The following MAP3K15 variants were observed in gnomAD, a reference collection of about 807,000 sequenced individuals.
The protein encoded by MAP3K15 is mitogen-activated protein kinase kinase kinase 15, also known as MAPK/ERK kinase kinase 15.
A neutral mutation model predicts 99.5 loss-of-function variants in MAP3K15; 124 were observed. The observed-to-expected ratio is 1.25, with a 90% CI of 1.08 to 1.45. The LOEUF is 1.45. Ranked by LOEUF, MAP3K15 falls within the 40% of genes most tolerant of loss-of-function variation. The probability of loss-of-function intolerance (pLI) is 0.00; values close to 1 mark genes in which losing one functional copy is unlikely to be tolerated. For missense variants in MAP3K15, 1,242 were observed against 1,079.7 expected, an observed-to-expected ratio of 1.15 and a Z score of -2.11; for synonymous variants, 494 against 439.6, an observed-to-expected ratio of 1.12 and a Z score of -1.55.
rs756238897 is a variant in MAP3K15, at chrX:19,438,396, A to G, written c.996-6788T>C. 2.7e-5 allele frequency among the ~76,000 whole-genome samples: 3 copies of G among 112,313 alleles called. No individual in the cohort carries two copies. The South Asian group carries it at 1.1e-3, about 41-fold the overall frequency. On this transcript the variant is annotated intron_variant, in intron 6 of 28. Coordinates refer to ENST00000338883, the MANE Select transcript of MAP3K15 (RefSeq NM_001001671.4). ...GTGCTGAGACTGCAGGCATGAGCCA[A>G]CACATCTATTACTTATGTAAAAAAT... is the stretch of plus-strand genomic sequence containing the variant.
chrX:19,461,019 G>A (rs1362522380), intron 4 of MAP3K15, among the ~76,000 whole-genome samples: 23 of 107,522 alleles, frequency 2.1e-4, no homozygotes, highest in Non-Finnish European at 4.0e-4. Context: ...TCGCACTTTC[G>A]CCCAGGCTGG....
intron 1 of MAP3K15, among the ~76,000 whole-genome samples, chrX:19,511,320 GA>G (rs765686540): frequency 7.1e-5 from 8 of 112,035 alleles, no homozygotes; most frequent in Non-Finnish European, 1.3e-4. Flanking sequence ...ATAGACAAAG[GA>G]AATCTAATTA....
rs970025629 is a variant in MAP3K15, at chrX:19,476,511, G to T, written c.525+9971C>A. Among the ~76,000 whole-genome samples, 28 of 111,829 alleles carry T rather than the reference G, an allele frequency of 2.5e-4. 1 individual carries two copies. The highest frequency in any genetic ancestry group is 3.8e-4 in the Admixed American group (4 of 10,555). On this transcript the variant is annotated intron_variant, in intron 3 of 28. Transcript: ENST00000338883. The stretch of plus-strand genomic sequence containing the variant: ...TCCAAGTTGACACAACTCCAAAAAA[G>T]ATAAGCTTTAGGCTCAACAGATATA...
chrX:19,489,912 T>C (rs2064355787), intron 1 of MAP3K15, among the ~76,000 whole-genome samples: 1 of 110,476 alleles, frequency 9.1e-6, no homozygotes, highest in South Asian at 3.9e-4. Flanking sequence ...GGCAGGTGCC[T>C]GTAATCCCAG....
intron 2 of MAP3K15, among the ~76,000 whole-genome samples, chrX:19,487,222 A>C (rs1249173838): frequency 9.0e-6 from 1 of 110,741 alleles, no homozygotes; most frequent in East Asian, 2.8e-4. Flanking sequence ...TCCTGATAAC[A>C]AGTGCAAACT....
chrX:19,481,351 A>C (rs1433092568), intron 3 of MAP3K15, among the ~76,000 whole-genome samples: 4 of 109,387 alleles, frequency 3.7e-5, no homozygotes, highest in Admixed American at 9.8e-5. Context: ...GAAGTTGGAC[A>C]TCTACCTCAC....
rs137950552 is a variant in MAP3K15 at position 19,372,879 on chromosome X, G to C, written c.2934-52C>G. ...CTGTGCGTGCCGGGGCACTGTCCCT[G>C]GGAGTGTGTCATGTTAGGACGCCCT... On this transcript the variant is annotated intron_variant, in intron 21 of 28. Coordinates refer to ENST00000338883, the MANE Select transcript of MAP3K15 (RefSeq NM_001001671.4). 4,454 of 1,139,154 alleles carry C rather than the reference G, an allele frequency of 3.9e-3. 119 individuals are homozygous for C. In the African/African-American group the frequency reaches 0.07, roughly 18 times the overall value. The allele number at this position is 1,139,154 out of a possible 1,213,427, so 93.9% of individuals were successfully genotyped here. A position where few individuals can be genotyped will look rare whatever the true frequency, so the allele number is the denominator to read the frequency against.
chrX:19,414,917 T>C (rs1016640514), intron 10 of MAP3K15, among the ~76,000 whole-genome samples, 190 bp downstream of exon 10: 1 of 112,049 alleles, frequency 8.9e-6, no homozygotes, highest in African/African-American at 3.2e-5. Context: ...ATGACTACTA[T>C]AGAGGATATG....
intron 4 of MAP3K15, among the ~76,000 whole-genome samples, chrX:19,461,809 G>C (rs1409433945): frequency 1.8e-5 from 2 of 110,555 alleles, no homozygotes; most frequent in African/African-American, 6.6e-5. Context: ...TGGCCAACGT[G>C]GTGAAACCCC....
intron 19 of MAP3K15, among the ~76,000 whole-genome samples, chrX:19,375,065 C>T (rs754469086): frequency 2.7e-5 from 3 of 112,316 alleles, no homozygotes; most frequent in African/African-American, 9.7e-5. Flanking sequence ...CACCCTGCTC[C>T]CCCAAACCAC....
intron 6 of MAP3K15, among the ~76,000 whole-genome samples, chrX:19,440,329 C>G (rs1357050427): frequency 8.9e-6 from 1 of 112,140 alleles, no homozygotes; most frequent in East Asian, 2.8e-4. Context: ...TCTTTGTTTC[C>G]CGATTGGACC....
chrX:19,450,903 A>T (rs903186577), intron 6 of MAP3K15, among the ~76,000 whole-genome samples: 2 of 109,558 alleles, frequency 1.8e-5, no homozygotes, highest in Admixed American at 9.6e-5. Flanking sequence ...AAAAAAATAC[A>T]ACTGGCTTTT....
chrX:19,514,904 C>A lies in MAP3K15; in HGVS notation c.358G>T (p.Ala120Ser), dbSNP rs768115068. Residue 120 changes from alanine (A) to serine (S), a missense_variant, in exon 1 of 29, where the codon GCA (alanine) becomes TCA (serine). Ala to Ser is a moderately conservative substitution (Grantham distance 99). Coordinates refer to ENST00000338883, the MANE Select transcript of MAP3K15 (RefSeq NM_001001671.4). The stretch of plus-strand genomic sequence containing the variant: ...GTGGGGACGAAGCCGCTCTCACCTG[C>A]GTCGTAGAAGGCGTCGAGCACGGCC... ...ETAVLDAFYD[A>S]DVAVVDMSDV... 1.1e-4 allele frequency: 120 copies of A among 1,112,553 alleles called. No individual in the cohort carries two copies. The highest frequency in any genetic ancestry group is 1.4e-4 in the Non-Finnish European group (117 of 847,983). 91.7% of individuals were successfully genotyped at this position (1,112,553 alleles called of 1,213,427 possible).
chrX:19,406,277 G>A (rs1466886208), intron 13 of MAP3K15, among the ~76,000 whole-genome samples: 1 of 112,642 alleles, frequency 8.9e-6, no homozygotes, highest in Non-Finnish European at 1.9e-5. Flanking sequence ...GCACGTGAAT[G>A]TTCAGGGAAG....
chrX:19,452,832 A>G (rs1216969129), intron 6 of MAP3K15, among the ~76,000 whole-genome samples: 9 of 111,322 alleles, frequency 8.1e-5, no homozygotes, highest in African/African-American at 3.0e-4. Context: ...TTAAAACATT[A>G]TGAGGTTTTC....
chrX:19,507,012 C>G (rs1206294532), intron 1 of MAP3K15, among the ~76,000 whole-genome samples: 1 of 111,953 alleles, frequency 8.9e-6, no homozygotes, highest in African/African-American at 3.2e-5. Flanking sequence ...TATGCAAAGC[C>G]AGACACAACA....
chrX:19,489,957 A>AC (rs1384967331), intron 1 of MAP3K15, among the ~76,000 whole-genome samples: 2 of 110,814 alleles, frequency 1.8e-5, no homozygotes, highest in Non-Finnish European at 3.8e-5. Context: ...AATCGCTTGT[A>AC]CCTGGGAGGC....
At chrX:19,498,722 G>A (rs903897799) in intron 1 of MAP3K15, among the ~76,000 whole-genome samples, 1 of 112,074 alleles carries the variant, frequency 8.9e-6, no homozygotes, top group East Asian at 2.8e-4. Flanking sequence ...TCATCGTGGG[G>A]CAAGACTGGC....
At chrX:19,512,642 CTTTTTTTT>C (rs896407684) in intron 1 of MAP3K15, among the ~76,000 whole-genome samples, 30 of 71,216 alleles carry the variant, frequency 4.2e-4, no homozygotes, top group African/African-American at 1.7e-3. Flanking sequence ...CCACATCCTG[CTTTTTTTT>C]TTTTTTTTTT....
Sources: allele counts gnomAD v4.1 joint callset (sites outside exome capture counted in the v4.1 genomes callset), GRCh38; gene constraint gnomAD v4.1.1; transcripts MANE v1.5; gene names NCBI Gene and HGNC (gene_info 2026-07-23, HGNC 2026-07-21).